Variants in NPAS3 observed in about 807,000 individuals in gnomAD.
NPAS3 encodes neuronal PAS domain protein 3.
Under a neutral mutation model 73.1 loss-of-function variants are expected in NPAS3, and 14 were observed. The observed-to-expected ratio is 0.19, with a 90% CI of 0.13 to 0.30. The LOEUF (loss-of-function observed/expected upper bound fraction) is 0.30. NPAS3 is among the 10% of genes least tolerant of loss of function. The pLI is 1.00. For synonymous variants in NPAS3, 620 were observed against 541.5 expected (o/e 1.14, Z -2.01); for missense variants, 1,096 against 1,250.0 (o/e 0.88, Z 1.86).
chr14:33,249,558 G>A (rs1002135492), intron 3 of NPAS3, among the ~76,000 whole-genome samples: 1 of 152,032 alleles, frequency 6.6e-6, no homozygotes, highest in African/African-American at 2.4e-5. Context: ...CACCTCTATT[G>A]TTTTGCTCTT....
At chr14:33,002,385 C>G (rs931840138) in intron 1 of NPAS3, among the ~76,000 whole-genome samples, 2 of 152,102 alleles carry the variant, frequency 1.3e-5, no homozygotes, top group Non-Finnish European at 1.5e-5. Flanking sequence ...ATTCAAGAGG[C>G]AATTGGGAGC....
At position 33,544,813 on chromosome 14, in the gene NPAS3, T is replaced by TA. The variant is rs1368983192; in HGVS notation, c.469-15307dup. 7.0e-4 allele frequency among the ~76,000 whole-genome samples: 66 copies of TA among 94,436 alleles called. 2 individuals carry two copies. The highest frequency in any genetic ancestry group is 4.2e-3 in the African/African-American group (64 of 15,314). 62.0% of individuals were successfully genotyped at this position (94,436 alleles called of 152,430 possible). On this transcript the variant is annotated intron_variant, in intron 4 of 11. Transcript: ENST00000356141. ...TTATATATATATATATATATATATG[T>TA]ATATATAATATATATGTGTATATAT...
chr14:33,153,677 A>T (rs769246021), intron 2 of NPAS3, among the ~76,000 whole-genome samples: 1 of 152,112 alleles, frequency 6.6e-6, no homozygotes, highest in Non-Finnish European at 1.5e-5. Flanking sequence ...ATCTAATTGC[A>T]TCTCAAAGAG....
chr14:33,465,852 C>G (rs1371726500), intron 4 of NPAS3, among the ~76,000 whole-genome samples: 1 of 151,750 alleles, frequency 6.6e-6, no homozygotes, highest in African/African-American at 2.4e-5. Flanking sequence ...TTAGTTTAGC[C>G]ACCTCAAATC....
chr14:32,977,238 A>G (rs540270834), intron 1 of NPAS3, among the ~76,000 whole-genome samples: 37 of 152,058 alleles, frequency 2.4e-4, no homozygotes, highest in African/African-American at 7.7e-4. Flanking sequence ...CATATTTTTT[A>G]TTATTTAAAA....
intron 5 of NPAS3, among the ~76,000 whole-genome samples, chr14:33,592,468 G>A (rs970281182): frequency 6.6e-6 from 1 of 152,170 alleles, no homozygotes; most frequent in Non-Finnish European, 1.5e-5. Flanking sequence ...AGTGCTTTGG[G>A]AGTTCGGAGG....
chr14:33,353,010 A>C (rs1237802446), intron 3 of NPAS3, among the ~76,000 whole-genome samples: 4 of 152,196 alleles, frequency 2.6e-5, no homozygotes, highest in Non-Finnish European at 5.9e-5. Flanking sequence ...TAAGGGGAGC[A>C]AGTTGAGGTC....
chr14:33,427,179 A>G (rs762280133), intron 4 of NPAS3, among the ~76,000 whole-genome samples: 7 of 151,980 alleles, frequency 4.6e-5, no homozygotes, highest in Non-Finnish European at 8.8e-5. Flanking sequence ...TATTTTTATG[A>G]ACACTGTCTC....
At chr14:33,604,764 C>A (rs2057505259) in intron 5 of NPAS3, among the ~76,000 whole-genome samples, 2 of 151,978 alleles carry the variant, frequency 1.3e-5, no homozygotes, top group East Asian at 1.9e-4. Context: ...TGTTCTCTGA[C>A]TACAGAGGAG....
Position 33,454,514 on chromosome 14 carries a change from A to T in NPAS3, c.468+87246A>T, listed in dbSNP as rs1312061864. Among the ~76,000 whole-genome samples the T allele has an allele frequency of 2.0e-5, 3 of 152,322 alleles. No homozygotes were observed. The East Asian group carries it at 5.8e-4, about 29-fold the overall frequency. On this transcript the variant is annotated intron_variant, in intron 4 of 11. Coordinates refer to ENST00000356141, the Ensembl canonical transcript of NPAS3. ...GTTCTCAGAACAACACCAGGGATGA[A>T]ATGAGTGTTTGATGAGTGTTGGTGG...
At chr14:33,055,137 A>T in intron 1 of NPAS3, among the ~76,000 whole-genome samples, 1 of 152,162 alleles carries the variant, frequency 6.6e-6, no homozygotes, top group East Asian at 1.9e-4. Flanking sequence ...TTTTCCCTGA[A>T]TGAAGGGATT....
chr14:33,631,528 A>C (rs1031181711), intron 5 of NPAS3, among the ~76,000 whole-genome samples: 2 of 152,194 alleles, frequency 1.3e-5, no homozygotes, highest in Non-Finnish European at 2.9e-5. Context: ...AGCTGGGAAG[A>C]GCACGTGTCC....
intron 6 of NPAS3, among the ~76,000 whole-genome samples, chr14:33,690,023 C>T (rs182014359): frequency 1.2e-4 from 18 of 152,244 alleles, no homozygotes; most frequent in Admixed American, 5.2e-4. Flanking sequence ...CGTGCTTGAC[C>T]GATATTTTCT....
chr14:33,776,345 C>T (rs866143608), intron 8 of NPAS3, among the ~76,000 whole-genome samples: 18 of 151,890 alleles, frequency 1.2e-4, no homozygotes, highest in Middle Eastern at 6.8e-3. Flanking sequence ...AACAGGGCCT[C>T]GTCTTATTTA....
chr14:33,104,428 G>T (rs370195577), intron 2 of NPAS3, among the ~76,000 whole-genome samples: 3 of 152,180 alleles, frequency 2.0e-5, no homozygotes, highest in African/African-American at 7.2e-5. Context: ...CAACTACACT[G>T]TAGTGAGTTG....
At chr14:33,098,414 G>A (rs2042485846) in intron 2 of NPAS3, among the ~76,000 whole-genome samples, 1 of 152,072 alleles carries the variant, frequency 6.6e-6, no homozygotes, top group Non-Finnish European at 1.5e-5. Flanking sequence ...TGATGACAAT[G>A]GTGAATACCA....
intron 1 of NPAS3, among the ~76,000 whole-genome samples, chr14:33,055,345 G>A (rs1225386804): frequency 1.3e-5 from 2 of 152,188 alleles, no homozygotes; most frequent in Non-Finnish European, 2.9e-5. Flanking sequence ...TCTAACCCGT[G>A]TTCCCGACGG....
At chr14:33,192,121 C>T (rs191057670) in intron 2 of NPAS3, among the ~76,000 whole-genome samples, 2 of 152,156 alleles carry the variant, frequency 1.3e-5, no homozygotes, top group Admixed American at 1.3e-4. Context: ...ACATTGAACT[C>T]TGGCTCTGAA....
chr14:33,171,615 G>T (rs991824709), intron 2 of NPAS3, among the ~76,000 whole-genome samples: 2 of 152,202 alleles, frequency 1.3e-5, no homozygotes, highest in Non-Finnish European at 2.9e-5. Flanking sequence ...TTTGGCTTAC[G>T]GGAATGTTGT....
Sources: allele counts gnomAD v4.1 joint callset (sites outside exome capture counted in the v4.1 genomes callset), GRCh38; gene constraint gnomAD v4.1.1; transcripts MANE v1.5; gene names NCBI Gene and HGNC (gene_info 2026-07-23, HGNC 2026-07-21).